ENTREP2: variants seen among roughly 807,000 people sequenced by gnomAD.
ENTREP2 encodes endosomal transmembrane epsin interactor 2.
chr15:29,265,705 A>G, the ENTREP2 span: 1 of 152,242 alleles, frequency 6.6e-6, no homozygotes, highest in African/African-American at 2.4e-5. Context: ...ATTCAGTCCT[A>G]GCCATAAATT....
chr15:29,288,154 G>A, the ENTREP2 span, among the ~76,000 whole-genome samples: 27 of 152,322 alleles, frequency 1.8e-4, no homozygotes, highest in East Asian at 4.8e-3. Flanking sequence ...GAAAAACTCT[G>A]TGACCCTGAG....
chr15:29,533,911 T>A, the ENTREP2 span, among the ~76,000 whole-genome samples: 1 of 151,846 alleles, frequency 6.6e-6, no homozygotes, highest in East Asian at 1.9e-4. Context: ...AGGACAGAGT[T>A]TGGGTTTGCT....
At chr15:29,594,678 G>T in the ENTREP2 span, among the ~76,000 whole-genome samples, 1 of 152,004 alleles carries the variant, frequency 6.6e-6, no homozygotes, top group South Asian at 2.1e-4. Context: ...AAACTTTTGT[G>T]GGGGCTGGGC....
At chr15:29,269,717 C>T in the ENTREP2 span, 2 of 1,509,046 alleles carry the variant, frequency 1.3e-6, no homozygotes, top group South Asian at 2.6e-5. Flanking sequence ...TCTCCGGCGG[C>T]AGGTGCCGGC....
the ENTREP2 span, among the ~76,000 whole-genome samples, chr15:29,128,543 C>T: frequency 6.6e-6 from 1 of 152,052 alleles, no homozygotes; most frequent in African/African-American, 2.4e-5. Context: ...CAAGGTCTCC[C>T]CGGAGAGCGC....
At chr15:29,217,250 T>G in the ENTREP2 span, among the ~76,000 whole-genome samples, 1 of 152,152 alleles carries the variant, frequency 6.6e-6, no homozygotes, top group East Asian at 1.9e-4. Context: ...TTGCAGAAGT[T>G]AAGTCCTTGA....
chr15:29,511,107 G>A, the ENTREP2 span, among the ~76,000 whole-genome samples: 7 of 152,072 alleles, frequency 4.6e-5, no homozygotes, highest in Non-Finnish European at 8.8e-5. Flanking sequence ...GGGTTGATGG[G>A]TGCAGCAAAC....
chr15:29,257,982 C>T, the ENTREP2 span, among the ~76,000 whole-genome samples: 16 of 151,848 alleles, frequency 1.1e-4, no homozygotes, highest in East Asian at 1.9e-4. Context: ...GAGGCTGAGG[C>T]GGGTGAATCA....
At chr15:29,125,852 A>G in the ENTREP2 span, among the ~76,000 whole-genome samples, 1 of 152,176 alleles carries the variant, frequency 6.6e-6, no homozygotes, top group Admixed American at 6.5e-5. Context: ...TGGAGAGCCA[A>G]GCTGCCTGGG....
At chr15:29,233,872 A>G in the ENTREP2 span, 3 of 1,578,824 alleles carry the variant, frequency 1.9e-6, no homozygotes, top group Non-Finnish European at 2.6e-6. Flanking sequence ...ATGATGTCAA[A>G]TGAGCCTGAG....
the ENTREP2 span, among the ~76,000 whole-genome samples, chr15:29,386,203 G>A: frequency 1.3e-5 from 2 of 152,206 alleles, no homozygotes; most frequent in African/African-American, 4.8e-5. Context: ...TGATAAGGCA[G>A]AGGGTCTAAC....
chr15:29,202,990 G>C, the ENTREP2 span, among the ~76,000 whole-genome samples: 10 of 152,116 alleles, frequency 6.6e-5, no homozygotes, highest in African/African-American at 2.4e-4. Context: ...TAATCCTTTG[G>C]GTATACACCC....
At chr15:29,258,016 C>T in the ENTREP2 span, among the ~76,000 whole-genome samples, 1 of 151,916 alleles carries the variant, frequency 6.6e-6, no homozygotes, top group African/African-American at 2.4e-5. Flanking sequence ...TCGAGACCAT[C>T]CTGGCTAACA....
chr15:29,618,291 C>T, the ENTREP2 span, among the ~76,000 whole-genome samples: 1 of 151,974 alleles, frequency 6.6e-6, no homozygotes, highest in African/African-American at 2.4e-5. Context: ...GGCGTGGTGG[C>T]AGACCCCTGT....
At chr15:29,589,897 T>C in the ENTREP2 span, among the ~76,000 whole-genome samples, 1 of 152,188 alleles carries the variant, frequency 6.6e-6, no homozygotes, top group African/African-American at 2.4e-5. Flanking sequence ...ACGGGATTGT[T>C]GTGAGGGAGG....
the ENTREP2 span, among the ~76,000 whole-genome samples, chr15:29,621,772 C>T: frequency 6.6e-6 from 1 of 152,002 alleles, no homozygotes; most frequent in African/African-American, 2.4e-5. Flanking sequence ...GTTGAGTATA[C>T]ATGCCAAAGA....
chr15:29,646,842 C>G, the ENTREP2 span, among the ~76,000 whole-genome samples: 1 of 152,168 alleles, frequency 6.6e-6, no homozygotes, highest in African/African-American at 2.4e-5. Flanking sequence ...ACAAGGGCCA[C>G]TCTGTCTATC....
the ENTREP2 span, among the ~76,000 whole-genome samples, chr15:29,576,532 G>T: frequency 3.3e-5 from 5 of 152,196 alleles, no homozygotes; most frequent in African/African-American, 1.2e-4. Flanking sequence ...AAAGTGAAAA[G>T]ACAAACTATA....
At chr15:29,452,184 G>A in the ENTREP2 span, among the ~76,000 whole-genome samples, 2 of 152,180 alleles carry the variant, frequency 1.3e-5, 1 homozygote, top group South Asian at 4.1e-4. Context: ...AATGATGAGT[G>A]GCCTCTAGTG....
Sources: gnomAD v4.1 joint callset for allele counts (sites outside exome capture counted in the v4.1 genomes callset) on GRCh38, gnomAD v4.1.1 for gene constraint, MANE v1.5 for transcripts, NCBI Gene and HGNC (gene_info 2026-07-23, HGNC 2026-07-21) for gene names.